The following MTUS2 variants were observed in gnomAD, a reference collection of about 807,000 sequenced individuals.
MTUS2 encodes the protein microtubule-associated tumor suppressor candidate 2.
In MTUS2, 40 loss-of-function variants were observed where a neutral mutation model predicts 114.1. That is an observed-to-expected ratio of 0.35 (90% CI 0.27 to 0.46). The LOEUF (loss-of-function observed/expected upper bound fraction) is 0.46. MTUS2 is among the 20% of genes least tolerant of loss of function. MTUS2 has a pLI of 1.00. For missense variants in MTUS2, 1,679 were observed against 1,705.4 expected, an observed-to-expected ratio of 0.98 and a Z score of 0.27; for synonymous variants, 688 against 672.0, an observed-to-expected ratio of 1.02 and a Z score of -0.37.
intron 2 of MTUS2, among the ~76,000 whole-genome samples, chr13:28,889,199 G>C (rs540007541): frequency 2.0e-5 from 3 of 152,152 alleles, no homozygotes; most frequent in African/African-American, 7.2e-5. Context: ...TCCTGGTTCT[G>C]TGTGGCAGGC....
intron 7 of MTUS2, among the ~76,000 whole-genome samples, chr13:29,341,550 T>C (rs1433668309): frequency 6.6e-6 from 1 of 152,196 alleles, no homozygotes; most frequent in African/African-American, 2.4e-5. Context: ...TAGTCCTTTG[T>C]CAGATGCATA....
intron 6 of MTUS2, among the ~76,000 whole-genome samples, chr13:29,307,945 A>G (rs547638708): frequency 2.2e-4 from 34 of 152,326 alleles, no homozygotes; most frequent in East Asian, 7.7e-4. Flanking sequence ...CCACCTTGTC[A>G]TGTACCATCA....
At chr13:28,865,441 A>C (rs1218752755) in intron 2 of MTUS2, among the ~76,000 whole-genome samples, 2 of 152,244 alleles carry the variant, frequency 1.3e-5, no homozygotes, top group African/African-American at 4.8e-5. Context: ...AAACACCCAG[A>C]AAATACGAAA....
intron 9 of MTUS2, among the ~76,000 whole-genome samples, chr13:29,473,836 CTA>C (rs1378763771): frequency 6.8e-6 from 1 of 146,092 alleles, no homozygotes; most frequent in African/African-American, 2.5e-5. Flanking sequence ...GCCTTTCACT[CTA>C]AAGGATTAAA....
intron 5 of MTUS2, among the ~76,000 whole-genome samples, chr13:29,177,977 A>G (rs748176505): frequency 2.0e-5 from 3 of 152,124 alleles, no homozygotes; most frequent in African/African-American, 4.8e-5. Context: ...TGTGATGACC[A>G]TGGCTTTTTT....
At chr13:28,900,531 A>T (rs1224250157) in intron 2 of MTUS2, among the ~76,000 whole-genome samples, 5 of 152,238 alleles carry the variant, frequency 3.3e-5, no homozygotes, top group Non-Finnish European at 7.3e-5. Flanking sequence ...AAATAAATGT[A>T]ACAATACAGT....
intron 7 of MTUS2, among the ~76,000 whole-genome samples, chr13:29,329,559 T>C (rs1900676950): frequency 6.6e-6 from 1 of 152,122 alleles, no homozygotes; most frequent in Non-Finnish European, 1.5e-5. Context: ...TTTGGGTTGA[T>C]TCCAAGTCTT....
At chr13:29,441,246 A>C (rs1355202064) in intron 9 of MTUS2, among the ~76,000 whole-genome samples, 1 of 152,038 alleles carries the variant, frequency 6.6e-6, no homozygotes, top group Admixed American at 6.5e-5. Context: ...GGCTTCTTCC[A>C]ACAGTCGGCT....
intron 5 of MTUS2, among the ~76,000 whole-genome samples, chr13:29,208,167 A>G (rs776588440): frequency 3.9e-5 from 6 of 152,028 alleles, no homozygotes; most frequent in Non-Finnish European, 8.8e-5. Context: ...GGAAGGTTTT[A>G]TATTTCCAGC....
chr13:28,957,541 A>G (rs938806496), intron 2 of MTUS2, among the ~76,000 whole-genome samples: 2 of 152,204 alleles, frequency 1.3e-5, no homozygotes, highest in Admixed American at 1.3e-4. Context: ...AATAACAACT[A>G]TTTATCTAGC....
chr13:29,152,232 T>G (rs1892690307), intron 5 of MTUS2, among the ~76,000 whole-genome samples: 1 of 152,186 alleles, frequency 6.6e-6, no homozygotes, highest in East Asian at 1.9e-4. Flanking sequence ...AATAAATGTC[T>G]TCTGAGAAAT....
rs374801606 is a variant in MTUS2 at position 29,183,766 on chromosome 13, C to T, written c.2644+82796C>T. Among the ~76,000 whole-genome samples the T allele has an allele frequency of 7.9e-5, 12 of 152,164 alleles. No homozygotes were observed. The South Asian group carries it at 1.2e-3, about 16-fold the overall frequency. ...GAAAACAAATTACTTAAAAAGTGAT[C>T]GGTTGGATCAAATAAGGTTGATAGA... On this transcript the variant is annotated intron_variant, in intron 5 of 15. Coordinates refer to ENST00000612955, the MANE Select transcript of MTUS2 (RefSeq NM_001033602.4).
At position 29,287,433 on chromosome 13, in the gene MTUS2, C is replaced by T. The variant is rs539380671; in HGVS notation, c.2806+5568C>T. 3.9e-5 allele frequency among the ~76,000 whole-genome samples: 6 copies of T among 152,200 alleles called. No individual in the cohort carries two copies. In the South Asian group the frequency reaches 6.2e-4, roughly 16 times the overall value. On this transcript the variant is annotated intron_variant, in intron 6 of 15. Coordinates refer to ENST00000612955, the MANE Select transcript of MTUS2 (RefSeq NM_001033602.4). ...GGTGGAGCACACCCCACACTATTTGCGTTTTCCATAAAAGAATGCATTTTT... is the reference window on the plus strand; with the variant it reads ...GGTGGAGCACACCCCACACTATTTGTGTTTTCCATAAAAGAATGCATTTTT...
intron 2 of MTUS2, among the ~76,000 whole-genome samples, chr13:28,868,527 T>C (rs1877433408): frequency 6.6e-6 from 1 of 152,214 alleles, no homozygotes; most frequent in Non-Finnish European, 1.5e-5. Flanking sequence ...AGCAGGAGAA[T>C]TCAGGCCTTA....
chr13:28,916,579 T>C (rs907596012), intron 2 of MTUS2, among the ~76,000 whole-genome samples: 5 of 151,912 alleles, frequency 3.3e-5, no homozygotes, highest in Non-Finnish European at 5.9e-5. Context: ...AAAATTTCTT[T>C]TTCAGATTGT....
At chr13:29,241,189 G>A (rs903987312) in intron 5 of MTUS2, among the ~76,000 whole-genome samples, 7 of 152,164 alleles carry the variant, frequency 4.6e-5, no homozygotes, top group Admixed American at 4.6e-4. Flanking sequence ...GTTATTTCTA[G>A]CTCTGAGCCT....
intron 2 of MTUS2, among the ~76,000 whole-genome samples, chr13:29,001,127 C>T (rs529113200): frequency 2.6e-5 from 4 of 152,350 alleles, no homozygotes; most frequent in Admixed American, 6.5e-5. Flanking sequence ...TGGAAAACTG[C>T]TCTTCTTGCC....
intron 7 of MTUS2, among the ~76,000 whole-genome samples, chr13:29,345,164 C>T (rs537918164): frequency 4.6e-5 from 7 of 152,170 alleles, no homozygotes; most frequent in Admixed American, 6.5e-5. Flanking sequence ...ATAAATTTCC[C>T]GGGTGTTCTT....
intron 9 of MTUS2, among the ~76,000 whole-genome samples, chr13:29,450,951 T>C (rs929356770): frequency 6.6e-6 from 1 of 152,052 alleles, no homozygotes; most frequent in Non-Finnish European, 1.5e-5. Context: ...GAAGCAAAAA[T>C]TGATAGAACT....
Sources: allele counts gnomAD v4.1 joint callset (sites outside exome capture counted in the v4.1 genomes callset), GRCh38; gene constraint gnomAD v4.1.1; transcripts MANE v1.5; gene names NCBI Gene and HGNC (gene_info 2026-07-23, HGNC 2026-07-21).